Variants in DOCK3 observed in about 807,000 individuals in gnomAD.
DOCK3 encodes the protein dedicator of cytokinesis protein 3.
Under a neutral mutation model 265.6 loss-of-function variants are expected in DOCK3, and 60 were observed. The observed-to-expected ratio is 0.23, with a 90% CI of 0.18 to 0.28. The LOEUF (loss-of-function observed/expected upper bound fraction) is 0.28. Among genes scored for constraint, DOCK3 ranks in the 10% least tolerant of loss-of-function variants. The pLI is 1.00. For missense variants in DOCK3, 1,981 were observed against 2,594.3 expected, an observed-to-expected ratio of 0.76 and a Z score of 5.14; for synonymous variants, 881 against 938.0, an observed-to-expected ratio of 0.94 and a Z score of 1.11.
intron 1 of DOCK3, among the ~76,000 whole-genome samples, chr3:50,693,530 C>CTTT (rs35261130): frequency 6.2e-5 from 4 of 64,270 alleles, no homozygotes; most frequent in Non-Finnish European, 1.1e-4. Flanking sequence ...ATTTCCTTTC[C>CTTT]TTTTTTTTTT....
intron 6 of DOCK3, among the ~76,000 whole-genome samples, chr3:51,065,679 G>C (rs2081565197): frequency 1.3e-5 from 2 of 152,140 alleles, no homozygotes; most frequent in Admixed American, 1.3e-4. Flanking sequence ...TGTGAACTGG[G>C]ACTTTCTTGC....
intron 27 of DOCK3, among the ~76,000 whole-genome samples, chr3:51,288,929 C>T (rs1404980153): frequency 1.3e-5 from 2 of 148,758 alleles, no homozygotes; most frequent in African/African-American, 5.0e-5. Context: ...TGTGTGTGCC[C>T]ATGTGTGTGT....
rs531974619 is a variant in DOCK3 at position 51,143,356 on chromosome 3, G to A, written c.747-3193G>A. Among the ~76,000 whole-genome samples the A allele has an allele frequency of 4.5e-4, 68 of 150,384 alleles. 1 individual carries two copies. In the South Asian group the frequency reaches 6.3e-3, roughly 14 times the overall value. On this transcript the variant is annotated intron_variant, in intron 9 of 52. Coordinates refer to ENST00000266037, the MANE Select transcript of DOCK3 (RefSeq NM_004947.5). ...GCGATCTAGGCCCACTGTAGCCTCC[G>A]CCCCCTGGGTTCAAGCGATTCTTCT... is the stretch of plus-strand genomic sequence containing the variant.
chr3:51,248,511 C>G (rs961521813), intron 22 of DOCK3, among the ~76,000 whole-genome samples: 1 of 152,214 alleles, frequency 6.6e-6, no homozygotes, highest in Non-Finnish European at 1.5e-5. Flanking sequence ...GGCGCCCAGG[C>G]TGGAGTGCAG....
intron 2 of DOCK3, among the ~76,000 whole-genome samples, chr3:50,792,240 C>G (rs981104162): frequency 2.6e-5 from 4 of 151,662 alleles, no homozygotes. Context: ...GATTCTGTTC[C>G]GATTTGGCTC....
intron 19 of DOCK3, among the ~76,000 whole-genome samples, chr3:51,231,121 C>CTTTTTTTTTTTTTTTTTT (rs754271357): frequency 3.1e-4 from 24 of 77,746 alleles, no homozygotes; most frequent in African/African-American, 3.5e-4. Context: ...TATTTTTTGA[C>CTTTTTTTTTTTTTTTTTT]TTTTTTTTTT....
Position 51,004,579 on chromosome 3 carries a change from A to G in DOCK3, c.316-59869A>G, listed in dbSNP as rs1208054663. Among the ~76,000 whole-genome samples, 5 of 152,136 alleles carry G rather than the reference A, an allele frequency of 3.3e-5. No homozygotes were observed. The East Asian group carries it at 7.7e-4, about 23-fold the overall frequency. ...ACTGTGTTTATGAAACTTTGGAACCATGATTATAGTAGTATTATATAGTAG... is the reference window on the plus strand; with the variant it reads ...ACTGTGTTTATGAAACTTTGGAACCGTGATTATAGTAGTATTATATAGTAG... On this transcript the variant is annotated intron_variant, in intron 5 of 52. Coordinates refer to ENST00000266037, the MANE Select transcript of DOCK3 (RefSeq NM_004947.5).
intron 1 of DOCK3, among the ~76,000 whole-genome samples, chr3:50,709,368 A>T (rs1212894202): frequency 6.6e-6 from 1 of 152,040 alleles, no homozygotes; most frequent in Non-Finnish European, 1.5e-5. Context: ...CTTTCTTTCC[A>T]ATCTGGCTGC....
At chr3:50,849,525 G>A (rs1449635679) in intron 3 of DOCK3, among the ~76,000 whole-genome samples, 1 of 151,252 alleles carries the variant, frequency 6.6e-6, no homozygotes, top group Non-Finnish European at 1.5e-5. Flanking sequence ...CATGATCACA[G>A]CTCACTGTAG....
chr3:50,760,889 C>T (rs1028121263), intron 1 of DOCK3, among the ~76,000 whole-genome samples: 2 of 151,816 alleles, frequency 1.3e-5, no homozygotes, highest in Non-Finnish European at 2.9e-5. Flanking sequence ...TCACGCCATT[C>T]TCCTGCCTCA....
At chr3:50,683,982 A>C (rs2034603563) in intron 1 of DOCK3, among the ~76,000 whole-genome samples, 1 of 150,996 alleles carries the variant, frequency 6.6e-6, no homozygotes, top group Non-Finnish European at 1.5e-5. Flanking sequence ...CATTTTCTAT[A>C]CTCTAGATAT....
chr3:51,020,839 T>A (rs1341389214), intron 5 of DOCK3, among the ~76,000 whole-genome samples: 2 of 151,896 alleles, frequency 1.3e-5, no homozygotes, highest in Non-Finnish European at 2.9e-5. Flanking sequence ...TGTCTGTTTT[T>A]GTATCAGTAC....
chr3:51,355,585 G>A (rs542423141), intron 41 of DOCK3, among the ~76,000 whole-genome samples: 1 of 152,298 alleles, frequency 6.6e-6, no homozygotes, highest in East Asian at 1.9e-4. Flanking sequence ...CAGCTTCCTT[G>A]GGGACCACAT....
At chr3:51,229,375 C>T (rs753097325) in intron 18 of DOCK3, 137 bp from the exon 19 acceptor site, 28 of 481,290 alleles carry the variant, frequency 5.8e-5, no homozygotes, top group Middle Eastern at 3.3e-4. Context: ...CACTTGAATT[C>T]GGGAGGCGGA....
intron 27 of DOCK3, among the ~76,000 whole-genome samples, chr3:51,283,886 A>G (rs1400146597): frequency 6.6e-6 from 1 of 152,150 alleles, no homozygotes; most frequent in Non-Finnish European, 1.5e-5. Context: ...GATCCTCCTG[A>G]AACAGTGCAG....
At chr3:51,138,922 T>C (rs540225054) in intron 9 of DOCK3, among the ~76,000 whole-genome samples, 1 of 152,294 alleles carries the variant, frequency 6.6e-6, no homozygotes, top group East Asian at 1.9e-4. Flanking sequence ...TTAGATCAAC[T>C]TCTGTAACAA....
At chr3:51,175,435 G>C (rs2086891106) in intron 12 of DOCK3, among the ~76,000 whole-genome samples, 1 of 152,196 alleles carries the variant, frequency 6.6e-6, no homozygotes, top group Admixed American at 6.5e-5. Flanking sequence ...CTGCAGGTCT[G>C]CCTCCAGAGA....
At chr3:50,862,947 T>C (rs1317076875) in intron 3 of DOCK3, among the ~76,000 whole-genome samples, 2 of 152,222 alleles carry the variant, frequency 1.3e-5, no homozygotes, top group Non-Finnish European at 1.5e-5. Flanking sequence ...GAACTACTGC[T>C]GCTTCTGCAA....
intron 5 of DOCK3, among the ~76,000 whole-genome samples, chr3:51,014,867 T>C (rs2079089971): frequency 6.6e-6 from 1 of 152,188 alleles, no homozygotes; most frequent in Non-Finnish European, 1.5e-5. Context: ...ACTTCTTTGA[T>C]TTAATTAATT....
Sources: gnomAD v4.1 joint callset for allele counts (sites outside exome capture counted in the v4.1 genomes callset) on GRCh38, gnomAD v4.1.1 for gene constraint, MANE v1.5 for transcripts, NCBI Gene and HGNC (gene_info 2026-07-23, HGNC 2026-07-21) for gene names.